Variants in UHRF2 observed in about 807,000 individuals in gnomAD.
UHRF2 encodes the protein E3 ubiquitin-protein ligase UHRF2.
Under a neutral mutation model 96.8 loss-of-function variants are expected in UHRF2, and 23 were observed. The observed-to-expected ratio is 0.24, with a 90% CI of 0.17 to 0.34. The LOEUF (loss-of-function observed/expected upper bound fraction) is 0.34. UHRF2 is among the 10% of genes least tolerant of loss of function. The probability of loss-of-function intolerance (pLI) is 1.00; values close to 1 mark genes in which losing one functional copy is unlikely to be tolerated. For synonymous variants in UHRF2, 385 were observed against 332.6 expected, an observed-to-expected ratio of 1.16 and a Z score of -1.72; for missense variants, 685 against 981.5, an observed-to-expected ratio of 0.70 and a Z score of 4.04.
intron 4 of UHRF2, among the ~76,000 whole-genome samples, chr9:6,475,000 C>G (rs1249371814): frequency 6.6e-6 from 1 of 152,064 alleles, no homozygotes; most frequent in Admixed American, 6.5e-5. Context: ...TGTTAAAATT[C>G]TACCAAAGGA....
intron 3 of UHRF2, among the ~76,000 whole-genome samples, chr9:6,446,315 T>C (rs1821500611): frequency 6.6e-6 from 1 of 151,944 alleles, no homozygotes; most frequent in East Asian, 1.9e-4. Flanking sequence ...CACACTTGGC[T>C]AATTTTTAGT....
chr9:6,500,042 G>C lies in UHRF2; in HGVS notation c.2005+111G>C, dbSNP rs974826983. ...GGCTGGAGTGCAGTGGAAAGATCTT[G>C]GCTCACTGTAGCCTTGACCTCCTGG... On this transcript the variant is annotated intron_variant, in intron 13 of 15. Transcript: ENST00000276893. The C allele has an allele frequency of 5.9e-6, 5 of 849,258 alleles. No homozygotes were observed. The African/African-American group carries it at 8.4e-5, about 14-fold the overall frequency. The allele number at this position is 849,258 out of a possible 1,614,324, so 52.6% of individuals were successfully genotyped here. A position where few individuals can be genotyped will look rare whatever the true frequency, so the allele number is the denominator to read the frequency against.
chr9:6,503,424 C>G (rs1816402979), intron 14 of UHRF2, among the ~76,000 whole-genome samples: 1 of 151,536 alleles, frequency 6.6e-6, no homozygotes. Flanking sequence ...AAAAAACCAG[C>G]CAAGATGAAA....
At chr9:6,431,617 G>GT (rs1339926724) in intron 2 of UHRF2, among the ~76,000 whole-genome samples, 2 of 152,076 alleles carry the variant, frequency 1.3e-5, no homozygotes, top group Non-Finnish European at 2.9e-5. Context: ...GTAAATCTAG[G>GT]TTTACTATAT....
chr9:6,439,637 C>T (rs893050319), intron 3 of UHRF2, among the ~76,000 whole-genome samples: 1 of 152,092 alleles, frequency 6.6e-6, no homozygotes, highest in Non-Finnish European at 1.5e-5. Flanking sequence ...TGTCCTTAAC[C>T]TTGTTTTAGT....
intron 4 of UHRF2, among the ~76,000 whole-genome samples, chr9:6,469,129 G>A (rs190477852): frequency 7.2e-5 from 11 of 152,206 alleles, no homozygotes; most frequent in Admixed American, 5.9e-4. Context: ...CTGAAAACAT[G>A]GTGAATTTCA....
At chr9:6,466,126 C>G (rs1338368056) in intron 4 of UHRF2, among the ~76,000 whole-genome samples, 1 of 152,158 alleles carries the variant, frequency 6.6e-6, no homozygotes, top group Admixed American at 6.5e-5. Context: ...AAAGGCCGAG[C>G]ATGGTGGCTT....
At chr9:6,422,167 G>T (rs537274634) in intron 2 of UHRF2, among the ~76,000 whole-genome samples, 17 of 152,164 alleles carry the variant, frequency 1.1e-4, no homozygotes, top group Non-Finnish European at 2.4e-4. Context: ...CCATTGGTCT[G>T]TTTGTCTATC....
intron 12 of UHRF2, 129 bp downstream of exon 12, chr9:6,498,287 C>T (rs41281765): frequency 0.01 from 10,284 of 1,000,860 alleles, 68 homozygotes; most frequent in South Asian, 0.014. Context: ...GGAATAAGAT[C>T]ATGCAAATAG....
intron 2 of UHRF2, among the ~76,000 whole-genome samples, chr9:6,421,434 A>T (rs1490249557): frequency 6.6e-6 from 1 of 152,140 alleles, no homozygotes; most frequent in South Asian, 2.1e-4. Context: ...GTTTTTGATA[A>T]CGGAGGCTTG....
At chr9:6,473,577 A>G (rs946094948) in intron 4 of UHRF2, among the ~76,000 whole-genome samples, 2 of 152,208 alleles carry the variant, frequency 1.3e-5, no homozygotes, top group Admixed American at 6.5e-5. Flanking sequence ...TTCCTGATGG[A>G]AATAGACCTA....
rs1232162270 is a variant in UHRF2 at position 6,473,831 on chromosome 9, C to A, written c.864-1560C>A. On this transcript the variant is annotated intron_variant, in intron 4 of 15. Transcript: ENST00000276893. ...TTTATTTTTAAAGTTTTTTGACCTA[C>A]GCTCCAGATCAGCTACCAATGTACA... Among the ~76,000 whole-genome samples, 9 of 152,234 alleles carry A rather than the reference C, an allele frequency of 5.9e-5. No individual in the cohort carries two copies. The East Asian group carries it at 1.7e-3, about 29-fold the overall frequency.
intron 14 of UHRF2, 111 bp downstream of exon 14, chr9:6,500,820 G>A: frequency 9.6e-7 from 1 of 1,046,886 alleles, no homozygotes; most frequent in South Asian, 1.8e-5. Context: ...CTTCTACCCG[G>A]TTTTCTAATC....
chr9:6,486,315 T>G (rs1004461566), intron 8 of UHRF2, among the ~76,000 whole-genome samples: 2 of 152,146 alleles, frequency 1.3e-5, no homozygotes, highest in African/African-American at 4.8e-5. Flanking sequence ...TTTGAGAAAT[T>G]TAGGAGGTAA....
intron 2 of UHRF2, among the ~76,000 whole-genome samples, chr9:6,421,843 T>C (rs1287606527): frequency 6.6e-6 from 1 of 152,218 alleles, no homozygotes; most frequent in African/African-American, 2.4e-5. Flanking sequence ...TACGTATATT[T>C]CTCTAGGCAG....
At chr9:6,423,042 G>A (rs1396293789) in intron 2 of UHRF2, 1 of 172,984 alleles carries the variant, frequency 5.8e-6, no homozygotes, top group East Asian at 1.5e-4. Context: ...TATCAGTTGC[G>A]ATAAATGGGC....
chr9:6,444,289 C>A (rs1821358602), intron 3 of UHRF2, among the ~76,000 whole-genome samples: 1 of 151,790 alleles, frequency 6.6e-6, no homozygotes, highest in African/African-American at 2.4e-5. Flanking sequence ...AGTATTTCCT[C>A]TAACTGTCTA....
At chr9:6,488,961 C>T (rs1824489593) in intron 9 of UHRF2, among the ~76,000 whole-genome samples, 1 of 151,946 alleles carries the variant, frequency 6.6e-6, no homozygotes, top group Non-Finnish European at 1.5e-5. Context: ...TACAGGCATG[C>T]ATCGCCATTG....
At chr9:6,473,635 G>T (rs1372277177) in intron 4 of UHRF2, among the ~76,000 whole-genome samples, 2 of 152,114 alleles carry the variant, frequency 1.3e-5, no homozygotes, top group African/African-American at 4.8e-5. Context: ...TTGAGACTGA[G>T]TCTTTAGCCC....
Sources: allele counts gnomAD v4.1 joint callset (sites outside exome capture counted in the v4.1 genomes callset), GRCh38; gene constraint gnomAD v4.1.1; transcripts MANE v1.5; gene names NCBI Gene and HGNC (gene_info 2026-07-23, HGNC 2026-07-21).